Variants in MYO18B observed in about 807,000 individuals in gnomAD.
The protein encoded by MYO18B is myosin XVIIIB, also known as unconventional myosin-XVIIIb.
Under a neutral mutation model 273.0 loss-of-function variants are expected in MYO18B, and 204 were observed. The ratio of observed to expected loss-of-function variants is 0.75; its 90% CI spans 0.67 to 0.84. The LOEUF is 0.84. Ranked by LOEUF, MYO18B falls within the 40% of genes least tolerant of loss-of-function variation. MYO18B has a pLI of 0.00. For missense variants in MYO18B, 3,212 were observed against 3,287.6 expected (o/e 0.98, Z 0.56); for synonymous variants, 1,330 against 1,305.7 (o/e 1.02, Z -0.40).
At chr22:25,841,025 A>AC (rs1288756133) in intron 17 of MYO18B, among the ~76,000 whole-genome samples, 1 of 152,224 alleles carries the variant, frequency 6.6e-6, no homozygotes, top group Non-Finnish European at 1.5e-5. Context: ...ATCATCCAGA[A>AC]CACTTGGGGC....
At position 25,956,925 on chromosome 22, in the gene MYO18B, A is replaced by G. The variant is rs563717325; in HGVS notation, c.6156+1561A>G. On this transcript the variant is annotated intron_variant, in intron 39 of 43. Coordinates refer to ENST00000335473, the MANE Select transcript of MYO18B (RefSeq NM_032608.7). ...GTCATCCCCATCAGCTTTGCCCTTG[A>G]CAAGCTGGCTGTCTGGTTCTTCTGT... Among the ~76,000 whole-genome samples, 24 of 152,118 alleles carry G rather than the reference A, an allele frequency of 1.6e-4. 2 individuals are homozygous for G. Among genetic ancestry groups the G allele is most frequent in the Non-Finnish European group, 2.8e-4 (19 of 68,026 alleles).
At chr22:25,796,230 T>TA in intron 11 of MYO18B, among the ~76,000 whole-genome samples, 1 of 152,002 alleles carries the variant, frequency 6.6e-6, no homozygotes, top group East Asian at 1.9e-4. Context: ...TCATAAATCT[T>TA]AAAAAAAAAT....
intron 39 of MYO18B, among the ~76,000 whole-genome samples, chr22:25,986,816 G>A (rs1207697593): frequency 1.3e-5 from 2 of 152,134 alleles, no homozygotes; most frequent in African/African-American, 4.8e-5. Flanking sequence ...TATTTGTTAG[G>A]TATGCTATGT....
chr22:25,744,457 C>T (rs796583919), intron 1 of MYO18B, among the ~76,000 whole-genome samples: 23 of 152,290 alleles, frequency 1.5e-4, no homozygotes, highest in African/African-American at 4.6e-4. Context: ...AGTGGCCGGG[C>T]GCGGGGGCTC....
chr22:25,753,785 G>C (rs1181338463), intron 1 of MYO18B, among the ~76,000 whole-genome samples: 1 of 152,174 alleles, frequency 6.6e-6, no homozygotes, highest in Admixed American at 6.5e-5. Flanking sequence ...GAACCCATGA[G>C]AAGGAAGAAA....
chr22:25,951,771 C>A (rs904637172), intron 37 of MYO18B, among the ~76,000 whole-genome samples: 2 of 152,210 alleles, frequency 1.3e-5, no homozygotes, highest in African/African-American at 4.8e-5. Context: ...AATGGAACAG[C>A]AGCAGTGGCC....
chr22:25,886,112 C>A (rs547687324), intron 25 of MYO18B, among the ~76,000 whole-genome samples: 13 of 152,394 alleles, frequency 8.5e-5, no homozygotes, highest in African/African-American at 3.1e-4. Flanking sequence ...GTTTCCCCAT[C>A]TGCCACCTCG....
chr22:25,992,858 A>G (rs1325005356), intron 40 of MYO18B, among the ~76,000 whole-genome samples: 1 of 152,178 alleles, frequency 6.6e-6, no homozygotes, highest in Non-Finnish European at 1.5e-5. Flanking sequence ...CCAAGATTGG[A>G]CTATTTTTGA....
intron 42 of MYO18B, 50 bp downstream of exon 42, chr22:26,004,905 TCA>T (rs1934302427): frequency 6.2e-7 from 1 of 1,604,004 alleles, no homozygotes; most frequent in African/African-American, 1.3e-5. Flanking sequence ...TTGAAGAATC[TCA>T]GACTTTGAAA....
chr22:25,916,955 C>T lies in MYO18B; in HGVS notation c.5365-4302C>T, dbSNP rs539227407. 1.5e-4 allele frequency among the ~76,000 whole-genome samples: 23 copies of T among 152,204 alleles called. No homozygotes were observed. In the South Asian group the frequency reaches 2.1e-3, roughly 14 times the overall value. On this transcript the variant is annotated intron_variant, in intron 33 of 43. Coordinates refer to ENST00000335473, the MANE Select transcript of MYO18B (RefSeq NM_032608.7). Reference sequence around the variant, plus strand: ...GCTGAGGCATGAGAATCACTAGAACCCAGGAGGCAGAGGTTGTAGTGAGCC... The same window carrying T: ...GCTGAGGCATGAGAATCACTAGAACTCAGGAGGCAGAGGTTGTAGTGAGCC...
Position 25,910,797 on chromosome 22 carries a change from A to G in MYO18B, c.5260-149A>G. On this transcript the variant is annotated intron_variant, in intron 32 of 43. Transcript: ENST00000335473. ...CTTTTAGGCTCTTAAATTCTCCCAC[A>G]GAGACACTACCACCCAATCACTAGG... The G allele has an allele frequency of 1.1e-5, 7 of 633,562 alleles. No individual in the cohort carries two copies. In the South Asian group the frequency reaches 1.3e-4, roughly 12 times the overall value. 39.2% of individuals were successfully genotyped at this position (633,562 alleles called of 1,614,324 possible). A position where few individuals can be genotyped will look rare whatever the true frequency, so the allele number is the denominator to read the frequency against.
At chr22:25,911,165 C>A in intron 33 of MYO18B, 115 bp downstream of exon 33, 1 of 759,198 alleles carries the variant, frequency 1.3e-6, no homozygotes, top group Non-Finnish European at 2.2e-6. Context: ...GCTCTGTTCC[C>A]ACCATATTCA....
intron 35 of MYO18B, among the ~76,000 whole-genome samples, chr22:25,947,027 A>G (rs6004847): frequency 0.015 from 2,241 of 152,254 alleles, 46 homozygotes; most frequent in African/African-American, 0.051. Context: ...AAGTTTAGGT[A>G]TAGTTCGAGT....
chr22:25,992,641 A>C, intron 40 of MYO18B, 148 bp downstream of exon 40: 1 of 1,048,190 alleles, frequency 9.5e-7, no homozygotes, highest in East Asian at 2.6e-5. Flanking sequence ...TACTTGGGTA[A>C]GGAGAGACTG....
intron 39 of MYO18B, among the ~76,000 whole-genome samples, chr22:25,958,670 G>A (rs2092882370): frequency 6.6e-6 from 1 of 152,076 alleles, no homozygotes; most frequent in Admixed American, 6.5e-5. Context: ...GCCCAAAACA[G>A]GGCTCAGTGG....
intron 12 of MYO18B, among the ~76,000 whole-genome samples, chr22:25,808,975 G>T (rs931369398): frequency 6.6e-6 from 1 of 152,076 alleles, no homozygotes; most frequent in Non-Finnish European, 1.5e-5. Flanking sequence ...ACAGAGTCTT[G>T]CTCTGTCACC....
chr22:26,035,443 A>G (rs903955067), downstream of MYO18B, among the ~76,000 whole-genome samples: 26 of 152,198 alleles, frequency 1.7e-4, no homozygotes, highest in African/African-American at 5.8e-4. Flanking sequence ...CAGGAATGCA[A>G]TTGGGGCTGG....
intron 34 of MYO18B, among the ~76,000 whole-genome samples, chr22:25,932,166 T>C (rs2092512567): frequency 6.6e-6 from 1 of 152,198 alleles, no homozygotes; most frequent in Non-Finnish European, 1.5e-5. Context: ...GTTGCAAGAA[T>C]AGTTCAAAGG....
chr22:26,005,497 G>A (rs1022679831), intron 42 of MYO18B, among the ~76,000 whole-genome samples: 6 of 152,124 alleles, frequency 3.9e-5, no homozygotes, highest in African/African-American at 1.4e-4. Context: ...ATGGGCCTTT[G>A]GATTCACCCT....
Sources: allele counts gnomAD v4.1 joint callset (sites outside exome capture counted in the v4.1 genomes callset), GRCh38; gene constraint gnomAD v4.1.1; transcripts MANE v1.5; gene names NCBI Gene and HGNC (gene_info 2026-07-23, HGNC 2026-07-21).